Variants in PLIN2 observed in about 807,000 individuals in gnomAD.
PLIN2 encodes perilipin-2.
PLIN2 carries 33 observed loss-of-function variants against 30.6 expected under a neutral mutation model. The observed-to-expected ratio is 1.08, with a 90% CI of 0.82 to 1.44. PLIN2 has a LOEUF of 1.44. PLIN2 is among the 40% of genes most tolerant of loss of function. The probability of loss-of-function intolerance (pLI) is 0.00; values close to 1 mark genes in which losing one functional copy is unlikely to be tolerated. For synonymous variants in PLIN2, 205 were observed against 201.1 expected, an observed-to-expected ratio of 1.02 and a Z score of -0.16; for missense variants, 610 against 531.8, an observed-to-expected ratio of 1.15 and a Z score of -1.45.
downstream of PLIN2, among the ~76,000 whole-genome samples, chr9:19,112,348 T>A (rs1588639803): frequency 6.6e-6 from 1 of 152,154 alleles, no homozygotes; most frequent in Non-Finnish European, 1.5e-5. Context: ...AGAACTGTTT[T>A]CTGGAGGAAA....
intron 5 of PLIN2, 82 bp from the exon 6 acceptor site, chr9:19,119,913 A>G (rs1439122589): frequency 2.4e-6 from 2 of 850,800 alleles, no homozygotes; most frequent in Non-Finnish European, 3.7e-6. Flanking sequence ...CTGGGTCTTG[A>G]CTTTCTTACT....
intron 3 of PLIN2, chr9:19,125,650 G>A (rs1274668640): frequency 6.5e-6 from 1 of 154,858 alleles, no homozygotes; most frequent in South Asian, 2.0e-4. Context: ...GCCTTCTGTG[G>A]ACAGGCGCGG....
Position 19,127,172 on chromosome 9 carries a change from G to A in PLIN2, c.-23+247C>T, listed in dbSNP as rs957092399. 3.9e-5 allele frequency among the ~76,000 whole-genome samples: 6 copies of A among 152,216 alleles called. No individual in the cohort carries two copies. The highest frequency in any genetic ancestry group is 1.4e-4 in the African/African-American group (6 of 41,462). ...TCGCCCTAAATCTGTTGGCAGGAAAGAAGCCTCAACGCACAAAGGCAAGGG... is the reference window on the plus strand; with the variant it reads ...TCGCCCTAAATCTGTTGGCAGGAAAAAAGCCTCAACGCACAAAGGCAAGGG... On this transcript the variant is annotated intron_variant, in intron 1 of 7. Coordinates refer to ENST00000276914, the MANE Select transcript of PLIN2 (RefSeq NM_001122.4). This position sits in a 1 kb window ranked among gnomAD's most constrained non-coding sequence, Gnocchi z 4.3.
intron 7 of PLIN2, among the ~76,000 whole-genome samples, chr9:19,117,032 A>G (rs1164907682): frequency 6.6e-6 from 1 of 152,214 alleles, no homozygotes; most frequent in South Asian, 2.1e-4. Context: ...ATGAACAAAC[A>G]GTTCATATTG....
chr9:19,122,808 AC>A (rs1167429952), intron 4 of PLIN2, among the ~76,000 whole-genome samples: 1 of 152,084 alleles, frequency 6.6e-6, no homozygotes, highest in East Asian at 1.9e-4. Flanking sequence ...AATATAGTGC[AC>A]TTGAATCATC....
In PLIN2 at chr9:19,126,399, G is replaced by C; in HGVS notation, c.28C>G (p.Pro10Ala). The change falls in exon 2 of 8, where the codon CCG (proline) becomes GCG (alanine). Residue 10 changes from proline to alanine, a missense_variant and splice_region_variant. By Grantham distance (27) the Pro-to-Ala change is conservative. Transcript: ENST00000276914. MASVAVDPQPSVVTRVVNLP... is the reference protein window; with the variant it reads MASVAVDPQASVVTRVVNLP... The stretch of plus-strand genomic sequence containing the variant: ...CAAAGGCTACTCAAAATTCATACCG[G>C]TTGTGGATCAACTGCAACGGATGCC... 17 of 1,613,928 alleles carry C rather than the reference G, an allele frequency of 1.1e-5. No homozygotes were observed. Among genetic ancestry groups the C allele is most frequent in the South Asian group, 2.2e-5 (2 of 91,082 alleles).
chr9:19,108,923 C>T (rs1818124828), intron 2 of PLIN2, among the ~76,000 whole-genome samples: 1 of 152,160 alleles, frequency 6.6e-6, no homozygotes, highest in South Asian at 2.1e-4. Context: ...TATAAAAGCA[C>T]TAAGGAAACC....
Position 19,126,293 on chromosome 9 carries a change from AC to A in PLIN2, c.46del (p.Val16TrpfsTer7). On this transcript the variant is annotated frameshift_variant, in exon 3 of 8. Coordinates refer to ENST00000276914, the MANE Select transcript of PLIN2 (RefSeq NM_001122.4). LOFTEE classifies it high-confidence loss of function. ...GGAGCTCACCAAGGGCAGGTTGACC[AC>A]CCGAGTCACCACACTCTGCAATCAA... ...VDPQPSVVTR[V>X]VNLPLVSSTY... 1 of 1,613,976 alleles carries A rather than the reference AC, an allele frequency of 6.2e-7. No homozygotes were observed. The highest frequency in any genetic ancestry group is 8.5e-7 in the Non-Finnish European group (1 of 1,179,862).
intron 2 of PLIN2, among the ~76,000 whole-genome samples, chr9:19,109,350 C>G (rs10963966): frequency 0.061 from 9,244 of 151,630 alleles, 315 homozygotes; most frequent in East Asian, 0.11. Context: ...GTTGGGAGAT[C>G]GAGACCATCC....
At chr9:19,126,862 T>G (rs1035271173) in intron 1 of PLIN2, among the ~76,000 whole-genome samples, 2 of 152,028 alleles carry the variant, frequency 1.3e-5, no homozygotes, top group African/African-American at 4.8e-5. Flanking sequence ...ACCAACGTGG[T>G]GAAACCCCGT....
rs59357707 is a variant in PLIN2, at chr9:19,122,108, C to CAAAA, written c.310-947_310-944dup. 1.4e-4 allele frequency among the ~76,000 whole-genome samples: 9 copies of CAAAA among 63,354 alleles called. 1 individual carries two copies. The Admixed American group carries it at 1.9e-3, about 13-fold the overall frequency. 41.6% of individuals were successfully genotyped at this position (63,354 alleles called of 152,430 possible). On this transcript the variant is annotated intron_variant, in intron 4 of 7. Transcript: ENST00000276914. ...TGGGTGACAGAGCAAGACTCTGTCT[C>CAAAA]AAAAAAAAAAAAAAAAAAAAAAAAA...
At chr9:19,125,075 G>C (rs1818374914) in intron 3 of PLIN2, among the ~76,000 whole-genome samples, 1 of 152,170 alleles carries the variant, frequency 6.6e-6, no homozygotes, top group East Asian at 1.9e-4. Flanking sequence ...GTGGTTGTTA[G>C]GAAATGGGGA....
intron 5 of PLIN2, 49 bp from the exon 6 acceptor site, chr9:19,119,880 A>G: frequency 8.0e-7 from 1 of 1,251,450 alleles, no homozygotes. Flanking sequence ...CACAGTGACA[A>G]GTGATAAGGC....
exon 3 of PLIN2, chr9:19,108,483 G>A (rs906270846): frequency 6.6e-6 from 1 of 152,436 alleles, no homozygotes; most frequent in African/African-American, 2.4e-5. Context: ...AGATCAGAGT[G>A]TCATTGCAAT....
chr9:19,118,915 A>T (rs1264611528), intron 6 of PLIN2, among the ~76,000 whole-genome samples: 1 of 152,134 alleles, frequency 6.6e-6, no homozygotes, highest in African/African-American at 2.4e-5. Flanking sequence ...CTGGTCTCGA[A>T]CTCCTGACCT....
chr9:19,121,301 G>A, intron 4 of PLIN2, 136 bp from the exon 5 acceptor site: 1 of 744,682 alleles, frequency 1.3e-6, no homozygotes, highest in Non-Finnish European at 2.2e-6. Context: ...TAGGTCTTGG[G>A]CAAGTCACTA....
At chr9:19,119,929 C>G in intron 5 of PLIN2, 98 bp from the exon 6 acceptor site, 1 of 746,870 alleles carries the variant, frequency 1.3e-6, no homozygotes, top group South Asian at 1.9e-5. Context: ...TTACTTCTAC[C>G]CAATCACTTA....
At chr9:19,124,121 T>C (rs1459706676) in intron 3 of PLIN2, among the ~76,000 whole-genome samples, 2 of 151,888 alleles carry the variant, frequency 1.3e-5, no homozygotes, top group Admixed American at 6.6e-5. Context: ...CTGGCAACTC[T>C]CTTCTAAAGG....
chr9:19,127,209 G>A lies in PLIN2; in HGVS notation c.-23+210C>T, dbSNP rs1452828112. 3.3e-5 allele frequency among the ~76,000 whole-genome samples: 5 copies of A among 152,214 alleles called. No individual in the cohort carries two copies. On this transcript the variant is annotated intron_variant, in intron 1 of 7. Transcript: ENST00000276914. The surrounding 1 kb of genome is among the most constrained non-coding windows in gnomAD (Gnocchi z 4.3). ...CACAAAGGCAAGGGTCGAAAGCGCG[G>A]GTTCAGCAGACCGCCCCTACCCAGC...
Sources: allele counts gnomAD v4.1 joint callset (sites outside exome capture counted in the v4.1 genomes callset), GRCh38; gene constraint gnomAD v4.1.1; non-coding constraint Gnocchi (gnomAD v3.1); transcripts MANE v1.5; gene names NCBI Gene and HGNC (gene_info 2026-07-23, HGNC 2026-07-21).